Variants in COLEC12 observed in about 807,000 individuals in gnomAD.
The protein encoded by COLEC12 is collectin subfamily member 12.
In COLEC12, 33 loss-of-function variants were observed where a neutral mutation model predicts 71.1. The ratio of observed to expected loss-of-function variants is 0.46; its 90% CI spans 0.35 to 0.62. The LOEUF is 0.62. COLEC12 is among the 20% of genes least tolerant of loss of function. The probability of loss-of-function intolerance (pLI) is 0.00; values close to 1 mark genes in which losing one functional copy is unlikely to be tolerated. For synonymous variants in COLEC12, 350 were observed against 353.0 expected, an observed-to-expected ratio of 0.99 and a Z score of 0.10; for missense variants, 765 against 916.1, an observed-to-expected ratio of 0.84 and a Z score of 2.13.
intron 2 of COLEC12, among the ~76,000 whole-genome samples, chr18:479,060 C>T (rs1917359135): frequency 6.6e-6 from 1 of 152,190 alleles, no homozygotes. Flanking sequence ...ATTGCCAAAA[C>T]ATGTAGGCAT....
At chr18:384,669 G>T (rs986152930) in intron 2 of COLEC12, among the ~76,000 whole-genome samples, 1 of 152,210 alleles carries the variant, frequency 6.6e-6, no homozygotes, top group Admixed American at 6.5e-5. Flanking sequence ...TTCTGTAGAA[G>T]GAGGTCGGCA....
At chr18:451,725 C>T (rs1916765488) in intron 2 of COLEC12, among the ~76,000 whole-genome samples, 1 of 149,702 alleles carries the variant, frequency 6.7e-6, no homozygotes, top group Admixed American at 6.7e-5. Context: ...CCAGCCTGGA[C>T]AACAAAGCGA....
At chr18:348,608 T>C (rs1285749117) in intron 3 of COLEC12, among the ~76,000 whole-genome samples, 1 of 152,192 alleles carries the variant, frequency 6.6e-6, no homozygotes, top group Non-Finnish European at 1.5e-5. Flanking sequence ...GAGGATTCCA[T>C]TGGCAAGGAA....
At position 362,697 on chromosome 18, in the gene COLEC12, C is replaced by A. The variant is rs115045344; in HGVS notation, c.59-5175G>T. Among the ~76,000 whole-genome samples the A allele has an allele frequency of 6.5e-3, 984 of 152,166 alleles. 12 individuals carry two copies. The highest frequency in any genetic ancestry group is 0.022 in the African/African-American group (893 of 41,520). ...TGCCCCTCACCATTAAGAGATCCAG[C>A]GTGCCAAAGAACCTGGCGCCAATAG... On this transcript the variant is annotated intron_variant, in intron 2 of 9. Transcript: ENST00000400256. This position sits in a 1 kb window ranked among gnomAD's most constrained non-coding sequence, Gnocchi z 4.6.
chr18:462,656 T>C (rs960283652), intron 2 of COLEC12, among the ~76,000 whole-genome samples: 19 of 152,174 alleles, frequency 1.2e-4, no homozygotes, highest in Non-Finnish European at 2.8e-4. Flanking sequence ...ACACCTTAAA[T>C]GGGTGAATTT....
chr18:334,620 C>T, intron 6 of COLEC12, 122 bp downstream of exon 6: 1 of 846,350 alleles, frequency 1.2e-6, no homozygotes, highest in South Asian at 3.4e-5. Flanking sequence ...AGAGTGAGAC[C>T]CTGTCTCAAA....
In COLEC12 at chr18:469,874, A is replaced by ATT. The variant is rs35447228; in HGVS notation, c.58+10831_58+10832dup. Among the ~76,000 whole-genome samples the ATT allele has an allele frequency of 1.4e-3, 205 of 150,654 alleles. 3 individuals carry two copies. Among genetic ancestry groups the ATT allele is most frequent in the African/African-American group, 4.5e-3 (186 of 41,150 alleles). On this transcript the variant is annotated intron_variant, in intron 2 of 9. Coordinates refer to ENST00000400256, the MANE Select transcript of COLEC12 (RefSeq NM_130386.3). The stretch of plus-strand genomic sequence containing the variant: ...GGAGAAAATTTTTACTTCCATAAAG[A>ATT]TTTTTTTTTTATAACTTTTGTTTTC...
intron 2 of COLEC12, among the ~76,000 whole-genome samples, chr18:451,575 G>A (rs902580048): frequency 1.6e-4 from 25 of 152,012 alleles, no homozygotes; most frequent in African/African-American, 3.6e-4. Flanking sequence ...ATAAAACCCC[G>A]TCTCTACTAA....
At chr18:418,890 C>T (rs542630292) in intron 2 of COLEC12, among the ~76,000 whole-genome samples, 17 of 152,292 alleles carry the variant, frequency 1.1e-4, no homozygotes, top group Middle Eastern at 6.8e-3. Context: ...AATAAATTTG[C>T]TTTCACTTTA....
intron 2 of COLEC12, among the ~76,000 whole-genome samples, chr18:401,097 G>A (rs564630906): frequency 1.3e-5 from 2 of 152,254 alleles, no homozygotes; most frequent in East Asian, 3.9e-4. Context: ...TCTCATAACA[G>A]CATGAGAAGG....
intron 2 of COLEC12, among the ~76,000 whole-genome samples, chr18:411,133 T>G (rs775427349): frequency 3.9e-5 from 6 of 152,192 alleles, no homozygotes; most frequent in Admixed American, 6.5e-5. Flanking sequence ...ATAATGATGA[T>G]ACCACTCAGG....
At chr18:499,700 G>A (rs757532454) in intron 1 of COLEC12, among the ~76,000 whole-genome samples, 8 of 152,210 alleles carry the variant, frequency 5.3e-5, no homozygotes, top group Non-Finnish European at 1.2e-4. Flanking sequence ...ACATAAATCA[G>A]GATTCCGCTG....
chr18:481,925 T>G (rs1917425412), intron 1 of COLEC12, among the ~76,000 whole-genome samples: 1 of 151,984 alleles, frequency 6.6e-6, no homozygotes, highest in Admixed American at 6.6e-5. Flanking sequence ...CTTTCCAAAT[T>G]TTATTTTAGG....
At chr18:462,094 T>C (rs548511013) in intron 2 of COLEC12, among the ~76,000 whole-genome samples, 2 of 152,328 alleles carry the variant, frequency 1.3e-5, no homozygotes, top group Admixed American at 1.3e-4. Context: ...GGATACTTAA[T>C]AATGAAGTGG....
intron 1 of COLEC12, among the ~76,000 whole-genome samples, chr18:486,169 GTTTC>G (rs541315531): frequency 3.3e-5 from 5 of 152,000 alleles, no homozygotes; most frequent in Admixed American, 6.6e-5. Flanking sequence ...ATTTTACTAT[GTTTC>G]TTTCTTTCTT....
At chr18:364,731 T>C (rs985669243) in intron 2 of COLEC12, among the ~76,000 whole-genome samples, 1 of 152,042 alleles carries the variant, frequency 6.6e-6, no homozygotes, top group African/African-American at 2.4e-5. Context: ...TGGGTGAGAG[T>C]TTGCTATTGC....
chr18:411,218 C>T (rs567802787), intron 2 of COLEC12, among the ~76,000 whole-genome samples: 4 of 152,328 alleles, frequency 2.6e-5, no homozygotes, highest in East Asian at 1.9e-4. Context: ...CTACCCGTCC[C>T]TTGCTGAAGT....
rs147177445 is a variant in COLEC12, at chr18:477,155, A to G, written c.58+3552T>C. ...AGTAAACAAGGGGTGACTGCACCAA[A>G]TACAATACCATGCTAGATCACTGCA... is the stretch of plus-strand genomic sequence containing the variant. On this transcript the variant is annotated intron_variant, in intron 2 of 9. Transcript: ENST00000400256. 2.1e-4 allele frequency among the ~76,000 whole-genome samples: 32 copies of G among 152,354 alleles called. 1 individual carries two copies. Among genetic ancestry groups the G allele is most frequent in the African/African-American group, 7.7e-4 (32 of 41,592 alleles).
intron 2 of COLEC12, among the ~76,000 whole-genome samples, chr18:384,519 G>A (rs1181689595): frequency 6.6e-6 from 1 of 152,208 alleles, no homozygotes; most frequent in African/African-American, 2.4e-5. Flanking sequence ...TTAAAGGTGG[G>A]AACTAGAGAA....
Sources: allele counts gnomAD v4.1 joint callset (sites outside exome capture counted in the v4.1 genomes callset), GRCh38; gene constraint gnomAD v4.1.1; non-coding constraint Gnocchi (gnomAD v3.1); transcripts MANE v1.5; gene names NCBI Gene and HGNC (gene_info 2026-07-23, HGNC 2026-07-21).